Variants in RIN3 observed in about 807,000 individuals in gnomAD.
RIN3 encodes the protein RAB5 interacting protein 3.
A neutral mutation model predicts 76.3 loss-of-function variants in RIN3; 54 were observed. The observed-to-expected ratio is 0.71, with a 90% CI of 0.57 to 0.89. The LOEUF is 0.89. Among genes scored for constraint, RIN3 ranks in the 40% least tolerant of loss-of-function variants. The pLI, the probability that RIN3 is intolerant of heterozygous loss-of-function variation, is 0.00. For synonymous variants in RIN3, 576 were observed against 564.0 expected, an observed-to-expected ratio of 1.02 and a Z score of -0.30; for missense variants, 1,256 against 1,322.1, an observed-to-expected ratio of 0.95 and a Z score of 0.78.
At chr14:92,653,397 T>C (rs912792660) in intron 6 of RIN3, among the ~76,000 whole-genome samples, 2 of 152,222 alleles carry the variant, frequency 1.3e-5, no homozygotes, top group Admixed American at 6.5e-5. Context: ...GCAGGACCAC[T>C]GTGTGGTGCA....
intron 7 of RIN3, among the ~76,000 whole-genome samples, chr14:92,673,373 G>A (rs1888352778): frequency 6.6e-6 from 1 of 152,138 alleles, no homozygotes; most frequent in Non-Finnish European, 1.5e-5. Context: ...GAAATATATT[G>A]TTGTTTCTCT....
chr14:92,586,200 G>A (rs538281250), intron 3 of RIN3, among the ~76,000 whole-genome samples: 2 of 152,298 alleles, frequency 1.3e-5, no homozygotes, highest in South Asian at 4.1e-4. Flanking sequence ...TTTGTCTCCT[G>A]GATGAAATGG....
At chr14:92,592,692 G>A (rs995594667) in intron 3 of RIN3, among the ~76,000 whole-genome samples, 12 of 126,914 alleles carry the variant, frequency 9.5e-5, no homozygotes, top group African/African-American at 3.8e-4. Context: ...TATTATTATT[G>A]TGAGACAGAG....
In RIN3 at chr14:92,652,644, C is replaced by T; in HGVS notation, c.1595C>T (p.Ala532Val). 1 of 1,611,706 alleles carries T rather than the reference C, an allele frequency of 6.2e-7. No homozygotes were observed. The highest frequency in any genetic ancestry group is 8.5e-7 in the Non-Finnish European group (1 of 1,179,948). The change falls in exon 6 of 10, where the codon GCC becomes GTC. Residue 532 changes from alanine (A) to valine (V), a missense_variant. Ala to Val is a moderately conservative substitution (Grantham distance 64). Coordinates refer to ENST00000216487, the MANE Select transcript of RIN3 (RefSeq NM_024832.5). This position sits in a 1 kb window ranked among gnomAD's most constrained non-coding sequence, Gnocchi z 6.4. ...QSSPEFKGSL[A>V]SLSDSLGVSV... ...TCTCCAGAGTTCAAGGGCTCCCTGG[C>T]CTCCCTCTCAGACAGCTTGGGGGTG...
intron 5 of RIN3, among the ~76,000 whole-genome samples, chr14:92,641,616 G>A (rs1189886844): frequency 1.3e-5 from 2 of 152,154 alleles, no homozygotes; most frequent in Non-Finnish European, 1.5e-5. Context: ...GGGAGAAGCC[G>A]AGCTTTACCC....
intron 4 of RIN3, among the ~76,000 whole-genome samples, chr14:92,633,530 G>A (rs1389258972): frequency 2.0e-5 from 3 of 152,182 alleles, no homozygotes; most frequent in Non-Finnish European, 2.9e-5. Context: ...ATATATAGCC[G>A]GCCAGTCAGA....
intron 7 of RIN3, among the ~76,000 whole-genome samples, chr14:92,668,301 G>C (rs763131232): frequency 1.2e-4 from 19 of 152,316 alleles, no homozygotes; most frequent in Admixed American, 1.2e-3. Flanking sequence ...CCTGAGGTCA[G>C]AGATGACCTC....
At chr14:92,660,816 G>A (rs1212743482) in intron 7 of RIN3, among the ~76,000 whole-genome samples, 2 of 152,228 alleles carry the variant, frequency 1.3e-5, no homozygotes, top group Non-Finnish European at 2.9e-5. Flanking sequence ...CCTCCAGGCA[G>A]ACAAGAACAG....
At chr14:92,580,223 G>T (rs947222682) in intron 3 of RIN3, among the ~76,000 whole-genome samples, 1 of 152,244 alleles carries the variant, frequency 6.6e-6, no homozygotes, top group African/African-American at 2.4e-5. Context: ...ACAAAAATTA[G>T]CTGGGTGTGG....
At chr14:92,664,586 G>A (rs960947611) in intron 7 of RIN3, among the ~76,000 whole-genome samples, 2 of 151,662 alleles carry the variant, frequency 1.3e-5, no homozygotes, top group African/African-American at 2.4e-5. Flanking sequence ...TGCCCAGGAT[G>A]GTCTCGATCT....
intron 4 of RIN3, among the ~76,000 whole-genome samples, chr14:92,637,882 A>G (rs1270183636): frequency 6.6e-6 from 1 of 152,160 alleles, no homozygotes; most frequent in Non-Finnish European, 1.5e-5. Context: ...TTCTGTCAGA[A>G]ACTTACTACT....
chr14:92,544,657 C>T (rs989372692), intron 1 of RIN3, among the ~76,000 whole-genome samples: 3 of 151,988 alleles, frequency 2.0e-5, no homozygotes, highest in African/African-American at 4.8e-5. Context: ...CACATTTCCT[C>T]GACTTGTGGC....
intron 4 of RIN3, among the ~76,000 whole-genome samples, chr14:92,630,501 C>G (rs1232199371): frequency 6.6e-6 from 1 of 152,298 alleles, no homozygotes; most frequent in East Asian, 1.9e-4. Flanking sequence ...AAAAAAGAAA[C>G]AGCACCCTGC....
chr14:92,641,289 C>A lies in RIN3; in HGVS notation c.492C>A (p.Ser164Arg). Residue 164 changes from serine to arginine, a missense_variant, in exon 5 of 10, where the codon AGC becomes AGA. Ser to Arg is a moderately radical substitution (Grantham distance 110, BLOSUM62 -1). Coordinates refer to ENST00000216487, the MANE Select transcript of RIN3 (RefSeq NM_024832.5). ...LRLPQAILEASSFTDLETIAN... is the reference protein window; with the variant it reads ...LRLPQAILEARSFTDLETIAN... ...TACCCCAGGCCATCCTTGAGGCCAG[C>A]AGCTTCACGGACCTTGAGACCATCG... is the stretch of plus-strand genomic sequence containing the variant. 1 of 1,614,110 alleles carries A rather than the reference C, an allele frequency of 6.2e-7. No individual in the cohort carries two copies. The highest frequency in any genetic ancestry group is 2.2e-5 in the East Asian group (1 of 44,884).
chr14:92,576,583 G>A (rs904221269), intron 2 of RIN3, among the ~76,000 whole-genome samples: 2 of 152,186 alleles, frequency 1.3e-5, no homozygotes, highest in Non-Finnish European at 2.9e-5. Context: ...ATAGCTGTGA[G>A]ATCTTGGCCA....
intron 3 of RIN3, among the ~76,000 whole-genome samples, chr14:92,578,746 A>G (rs1270327178): frequency 1.3e-5 from 2 of 152,142 alleles, no homozygotes; most frequent in Non-Finnish European, 1.5e-5. Context: ...CACAAGACCA[A>G]ATGAGCCAGT....
At chr14:92,603,258 C>T (rs368865416) in intron 3 of RIN3, among the ~76,000 whole-genome samples, 6 of 152,308 alleles carry the variant, frequency 3.9e-5, no homozygotes, top group East Asian at 3.9e-4. Flanking sequence ...CAGTAACAGC[C>T]AGCAAAAGAG....
chr14:92,515,139 C>T, intron 1 of RIN3: 2 of 666,590 alleles, frequency 3.0e-6, no homozygotes, highest in Non-Finnish European at 5.5e-6. Flanking sequence ...GTCTCCCTTC[C>T]CTTCTTCTCC....
Position 92,514,362 on chromosome 14 carries a change from C to G in RIN3, c.44+386C>G, listed in dbSNP as rs1896377505. 6.6e-6 allele frequency among the ~76,000 whole-genome samples: 1 copy of G among 152,252 alleles called. No homozygotes were observed. The highest frequency in any genetic ancestry group is 1.5e-5 in the Non-Finnish European group (1 of 68,042). On this transcript the variant is annotated intron_variant, in intron 1 of 9. Transcript: ENST00000216487. The surrounding 1 kb of genome is among the most constrained non-coding windows in gnomAD (Gnocchi z 7.2). The stretch of plus-strand genomic sequence containing the variant: ...TTGCAAACAAAACTCGCGGTCCCAG[C>G]CCCGCCAGCCTGCTGCACCCGCTGC...
Sources: allele counts gnomAD v4.1 joint callset (sites outside exome capture counted in the v4.1 genomes callset), GRCh38; gene constraint gnomAD v4.1.1; non-coding constraint Gnocchi (gnomAD v3.1); transcripts MANE v1.5; gene names NCBI Gene and HGNC (gene_info 2026-07-23, HGNC 2026-07-21).